Variants in LHFPL3 observed in about 807,000 individuals in gnomAD.
LHFPL3 encodes the protein LHFPL tetraspan subfamily member 3.
Under a neutral mutation model 19.3 loss-of-function variants are expected in LHFPL3, and 5 were observed. The ratio of observed to expected loss-of-function variants is 0.26; its 90% confidence interval spans 0.14 to 0.54. LHFPL3 has a LOEUF of 0.54. LHFPL3 is among the 20% of genes least tolerant of loss of function. The pLI is 0.94. For missense variants in LHFPL3, 249 were observed against 307.4 expected, an observed-to-expected ratio of 0.81 and a Z score of 1.42; for synonymous variants, 133 against 126.2, an observed-to-expected ratio of 1.05 and a Z score of -0.36.
intron 1 of LHFPL3, among the ~76,000 whole-genome samples, chr7:104,526,794 C>T: frequency 6.6e-6 from 1 of 152,220 alleles, no homozygotes; most frequent in South Asian, 2.1e-4. Context: ...CAGGGACAGA[C>T]ACCCACTCAT....
intron 2 of LHFPL3, among the ~76,000 whole-genome samples, chr7:104,794,112 A>G (rs1030379194): frequency 6.6e-6 from 1 of 152,228 alleles, no homozygotes; most frequent in Non-Finnish European, 1.5e-5. Context: ...TAGAAGTATA[A>G]TACTACACAT....
At chr7:104,461,347 A>C (rs1792659139) in intron 1 of LHFPL3, among the ~76,000 whole-genome samples, 1 of 152,126 alleles carries the variant, frequency 6.6e-6, no homozygotes, top group Non-Finnish European at 1.5e-5. Context: ...GGACACAGCC[A>C]AACCATATCA....
At chr7:104,365,577 C>G (rs1790470966) in intron 1 of LHFPL3, among the ~76,000 whole-genome samples, 1 of 148,988 alleles carries the variant, frequency 6.7e-6, no homozygotes, top group African/African-American at 2.5e-5. Context: ...GTCAGGAGAT[C>G]GAGACCATCC....
chr7:104,842,274 C>T (rs1052859583), intron 2 of LHFPL3, among the ~76,000 whole-genome samples: 6 of 107,640 alleles, frequency 5.6e-5, no homozygotes, highest in East Asian at 5.8e-4. Context: ...CCTCCTCTAG[C>T]GGTAGAACCT....
chr7:104,615,146 T>A (rs1791308274), intron 1 of LHFPL3, among the ~76,000 whole-genome samples: 2 of 152,206 alleles, frequency 1.3e-5, no homozygotes, highest in South Asian at 4.1e-4. Flanking sequence ...AAAATATTTC[T>A]TCACATATAT....
At chr7:104,354,059 T>TA (rs966249044) in intron 1 of LHFPL3, among the ~76,000 whole-genome samples, 14 of 151,924 alleles carry the variant, frequency 9.2e-5, no homozygotes, top group East Asian at 5.8e-4. Context: ...TGGATTCTTG[T>TA]AAAAAAAAAT....
At chr7:104,405,545 A>G (rs1414721179) in intron 1 of LHFPL3, among the ~76,000 whole-genome samples, 3 of 152,208 alleles carry the variant, frequency 2.0e-5, no homozygotes, top group Non-Finnish European at 4.4e-5. Context: ...CAACACTCTT[A>G]TGAAATAAGT....
chr7:104,505,325 A>C (rs1182778506), intron 1 of LHFPL3, among the ~76,000 whole-genome samples: 1 of 152,248 alleles, frequency 6.6e-6, no homozygotes, highest in East Asian at 1.9e-4. Context: ...TCACATTCAA[A>C]TGAGATATGG....
chr7:104,886,404 C>T (rs1336082577), intron 2 of LHFPL3, among the ~76,000 whole-genome samples: 1 of 152,106 alleles, frequency 6.6e-6, no homozygotes, highest in South Asian at 2.1e-4. Context: ...CTTGCTCTAT[C>T]GCCAGGCTGG....
intron 2 of LHFPL3, among the ~76,000 whole-genome samples, chr7:104,898,558 C>T (rs1792414227): frequency 6.6e-6 from 1 of 152,202 alleles, no homozygotes; most frequent in African/African-American, 2.4e-5. Context: ...AGTTAGGCTC[C>T]TGCCCTCACT....
chr7:104,668,199 C>T lies in LHFPL3; in HGVS notation c.446-68476C>T, dbSNP rs572696109. ...TGAATTTGAGGACCTGGATTCCCTG[C>T]TCAGTGCCCTGAGTCTCAATGAAGA... On this transcript the variant is annotated intron_variant, in intron 1 of 2. Coordinates refer to ENST00000424859, the MANE Select transcript of LHFPL3 (RefSeq NM_199000.3). 5.6e-6 allele frequency: 9 copies of T among 1,613,676 alleles called. No homozygotes were observed. In the East Asian group the frequency reaches 1.8e-4, roughly 32 times the overall value.
intron 1 of LHFPL3, among the ~76,000 whole-genome samples, chr7:104,552,179 C>G (rs1794673157): frequency 6.6e-6 from 1 of 152,194 alleles, no homozygotes; most frequent in African/African-American, 2.4e-5. Context: ...GAGTCTTCAG[C>G]AGCATCAAAG....
chr7:104,871,992 G>GT (rs1273569440), intron 2 of LHFPL3, among the ~76,000 whole-genome samples: 2 of 151,464 alleles, frequency 1.3e-5, no homozygotes, highest in Admixed American at 1.3e-4. Context: ...TATTCAACAG[G>GT]TTTTTTCTCT....
chr7:104,639,692 T>A (rs6962191), intron 1 of LHFPL3, among the ~76,000 whole-genome samples: 4,602 of 152,240 alleles, frequency 0.03, 231 homozygotes, highest in African/African-American at 0.11. Context: ...TTAAAAGCAA[T>A]GCAATGCAGA....
chr7:104,835,064 G>T (rs1396714142), intron 2 of LHFPL3, among the ~76,000 whole-genome samples: 1 of 151,856 alleles, frequency 6.6e-6, no homozygotes, highest in Non-Finnish European at 1.5e-5. Context: ...CTCCAGTGTG[G>T]TCTCTGGAGT....
intron 1 of LHFPL3, among the ~76,000 whole-genome samples, chr7:104,581,232 T>C (rs1430301711): frequency 2.0e-5 from 3 of 152,108 alleles, no homozygotes; most frequent in African/African-American, 7.2e-5. Flanking sequence ...TGAGAACGTG[T>C]AGTGATATCT....
intron 2 of LHFPL3, among the ~76,000 whole-genome samples, chr7:104,874,615 G>C: frequency 6.6e-6 from 1 of 151,858 alleles, no homozygotes; most frequent in East Asian, 1.9e-4. Context: ...CATCATGTTG[G>C]CCAGGCTGGT....
At chr7:104,535,962 A>G (rs772610799) in intron 1 of LHFPL3, among the ~76,000 whole-genome samples, 7 of 152,200 alleles carry the variant, frequency 4.6e-5, no homozygotes, top group Non-Finnish European at 8.8e-5. Flanking sequence ...GCTCATTGGC[A>G]CAGTCAGTAC....
At chr7:104,869,922 T>A (rs1226489221) in intron 2 of LHFPL3, among the ~76,000 whole-genome samples, 11 of 152,068 alleles carry the variant, frequency 7.2e-5, no homozygotes, top group Admixed American at 6.6e-4. Context: ...TAAAAAATGA[T>A]GAGTTCATGT....
Sources: gnomAD v4.1 joint callset for allele counts (sites outside exome capture counted in the v4.1 genomes callset) on GRCh38, gnomAD v4.1.1 for gene constraint, MANE v1.5 for transcripts, NCBI Gene and HGNC (gene_info 2026-07-23, HGNC 2026-07-21) for gene names.